Variants in KDM7A observed in about 807,000 individuals in gnomAD.
KDM7A encodes the protein lysine-specific demethylase 7A.
KDM7A carries 28 observed loss-of-function variants against 114.8 expected under a neutral mutation model. That is an observed-to-expected ratio of 0.24 (90% CI 0.18 to 0.33). The LOEUF is 0.33. KDM7A is among the 10% of genes least tolerant of loss of function. The pLI is 1.00. For missense variants in KDM7A, 942 were observed against 1,142.5 expected (o/e 0.82, Z 2.53); for synonymous variants, 423 against 397.8 (o/e 1.06, Z -0.75).
intron 11 of KDM7A, among the ~76,000 whole-genome samples, chr7:140,104,137 C>T (rs536895834): frequency 6.6e-5 from 10 of 152,196 alleles, no homozygotes; most frequent in South Asian, 4.1e-4. Flanking sequence ...TCCTATCCTT[C>T]GCCCACTTGT....
chr7:140,095,962 G>A (rs541339768), intron 17 of KDM7A, among the ~76,000 whole-genome samples: 10 of 152,050 alleles, frequency 6.6e-5, no homozygotes, highest in African/African-American at 2.4e-4. Flanking sequence ...TAATTATGTA[G>A]GATCAAACAT....
At chr7:140,173,229 C>T (rs1278515102) in intron 1 of KDM7A, among the ~76,000 whole-genome samples, 1 of 151,946 alleles carries the variant, frequency 6.6e-6, no homozygotes, top group African/African-American at 2.4e-5. Flanking sequence ...CCGGCAAAAT[C>T]CTGTTAATTC....
intron 1 of KDM7A, among the ~76,000 whole-genome samples, chr7:140,154,418 C>A (rs781459104): frequency 6.7e-6 from 1 of 150,186 alleles, no homozygotes; most frequent in Non-Finnish European, 1.5e-5. Flanking sequence ...TGCTTGAGCC[C>A]GGGAGTTTGA....
intron 12 of KDM7A, among the ~76,000 whole-genome samples, chr7:140,100,774 G>GTTTA (rs1818212509): frequency 7.6e-6 from 1 of 132,018 alleles, no homozygotes; most frequent in African/African-American, 2.8e-5. Flanking sequence ...TTGTTTGTTT[G>GTTTA]TTTGGAGACG....
At position 140,176,720 on chromosome 7, in the gene KDM7A, C is replaced by G; in HGVS notation, c.194+24G>C. The G allele has an allele frequency of 8.1e-6, 10 of 1,240,366 alleles. No individual in the cohort carries two copies. The highest frequency in any genetic ancestry group is 1.0e-5 in the Non-Finnish European group (10 of 966,066). The allele number at this position is 1,240,366 out of a possible 1,614,324, so 76.8% of individuals were successfully genotyped here. On this transcript the variant is annotated intron_variant, in intron 1 of 19. Transcript: ENST00000397560. This position sits in a 1 kb window ranked among gnomAD's most constrained non-coding sequence, Gnocchi z 4.4. ...GGTCGGTGGCCGGCGGTGGCGGCTG[C>G]GGGGCTGGAGGGGGTTTATTTACCT...
At chr7:140,095,958 T>G (rs1413099203) in intron 17 of KDM7A, among the ~76,000 whole-genome samples, 1 of 152,160 alleles carries the variant, frequency 6.6e-6, no homozygotes. Flanking sequence ...TTGATAATTA[T>G]GTAGGATCAA....
At chr7:140,146,034 T>C (rs1383021321) in intron 1 of KDM7A, among the ~76,000 whole-genome samples, 1 of 152,188 alleles carries the variant, frequency 6.6e-6, no homozygotes, top group African/African-American at 2.4e-5. Context: ...TCACCCCATA[T>C]AATCTGTTTT....
chr7:140,126,237 C>T (rs1818698884), intron 6 of KDM7A, among the ~76,000 whole-genome samples: 1 of 152,120 alleles, frequency 6.6e-6, no homozygotes, highest in Non-Finnish European at 1.5e-5. Flanking sequence ...ATAGGCATTC[C>T]TGACTTATCC....
At chr7:140,141,935 AAC>A (rs1381673441) in intron 1 of KDM7A, among the ~76,000 whole-genome samples, 3 of 150,366 alleles carry the variant, frequency 2.0e-5, no homozygotes, top group African/African-American at 7.3e-5. Flanking sequence ...GATAAAAAGA[AAC>A]ACATACATAT....
chr7:140,126,716 C>T lies in KDM7A; in HGVS notation c.809G>A (p.Cys270Tyr). The T allele has an allele frequency of 6.2e-7, 1 of 1,613,768 alleles. No individual in the cohort carries two copies. The highest frequency in any genetic ancestry group is 8.5e-7 in the Non-Finnish European group (1 of 1,179,722). ...ATAGCTGTCTTGAACTCCCATTAAG[C>T]AATATTTCTGAACAAATGGCTTGGG... ...VFPKPFVQKYCLMGVQDSYTD... is the reference protein window; with the variant it reads ...VFPKPFVQKYYLMGVQDSYTD... The change falls in exon 6 of 20, where the codon TGC becomes TAC. Residue 270 changes from cysteine (C) to tyrosine (Y), a missense_variant. By Grantham distance (194) the Cys-to-Tyr change is radical (BLOSUM62 -2). This residue lies in a region of KDM7A where 318 missense variants were observed against 453.1 expected (regional missense o/e 0.70). Coordinates refer to ENST00000397560, the MANE Select transcript of KDM7A (RefSeq NM_030647.2).
At chr7:140,147,800 A>T (rs1045151125) in intron 1 of KDM7A, among the ~76,000 whole-genome samples, 1 of 152,158 alleles carries the variant, frequency 6.6e-6, no homozygotes, top group Admixed American at 6.5e-5. Flanking sequence ...TACCTCCATG[A>T]CACCGGATAA....
Position 140,089,789 on chromosome 7 carries a change from G to A in KDM7A, c.*1305C>T, listed in dbSNP as rs1050339918. On this transcript the variant is annotated 3_prime_UTR_variant, in exon 20 of 20. Coordinates refer to ENST00000397560, the MANE Select transcript of KDM7A (RefSeq NM_030647.2). ...AATATGTACTGGTCAGGTTAGGATAGATGGAAGAAACTGCCAAAAGCACCC... is the reference window on the plus strand; with the variant it reads ...AATATGTACTGGTCAGGTTAGGATAAATGGAAGAAACTGCCAAAAGCACCC... The A allele has an allele frequency of 2.0e-5, 3 of 152,152 alleles. No individual in the cohort carries two copies. The highest frequency in any genetic ancestry group is 7.2e-5 in the African/African-American group (3 of 41,430). The allele number at this position is 152,152 out of a possible 1,614,324, so 9.4% of individuals were successfully genotyped here.
intron 11 of KDM7A, among the ~76,000 whole-genome samples, chr7:140,105,088 TTGTC>T (rs1335332887): frequency 2.0e-5 from 3 of 152,150 alleles, no homozygotes; most frequent in Admixed American, 1.3e-4. Flanking sequence ...TTGGCTCTGT[TTGTC>T]TGTTATTGGT....
At chr7:140,114,506 C>G (rs1479384116) in intron 9 of KDM7A, among the ~76,000 whole-genome samples, 1 of 152,174 alleles carries the variant, frequency 6.6e-6, no homozygotes, top group Admixed American at 6.5e-5. Flanking sequence ...GTGGCGTGAT[C>G]TCGGCTCGCT....
Position 140,088,665 on chromosome 7 carries a change from G to T in KDM7A, c.*2429C>A, listed in dbSNP as rs1361740769. ...TCACCAATTCAGAAAAAGACACATG[G>T]ATTCTATTCAAGTGGTTCTATTACC... On this transcript the variant is annotated 3_prime_UTR_variant, in exon 20 of 20. Transcript: ENST00000397560. 2 of 393,570 alleles carry T rather than the reference G, an allele frequency of 5.1e-6. No homozygotes were observed. The highest frequency in any genetic ancestry group is 9.0e-6 in the Non-Finnish European group (2 of 223,084). 24.4% of individuals were successfully genotyped at this position (393,570 alleles called of 1,614,324 possible). A position where few individuals can be genotyped will look rare whatever the true frequency, so the allele number is the denominator to read the frequency against.
rs1323729573 is a variant in KDM7A, at chr7:140,089,058, G to A, written c.*2036C>T. On this transcript the variant is annotated 3_prime_UTR_variant, in exon 20 of 20. Coordinates refer to ENST00000397560, the MANE Select transcript of KDM7A (RefSeq NM_030647.2). ...ATAAAAACATGACTATTGTAACACC[G>A]ACTCAGGATCTACAGAAAAGCAAAA... is the stretch of plus-strand genomic sequence containing the variant. 6 of 152,180 alleles carry A rather than the reference G, an allele frequency of 3.9e-5. No individual in the cohort carries two copies. The highest frequency in any genetic ancestry group is 2.1e-4 in the South Asian group (1 of 4,812). The allele number at this position is 152,180 out of a possible 1,614,324, so 9.4% of individuals were successfully genotyped here.
chr7:140,128,356 C>T (rs1266689955), intron 4 of KDM7A, among the ~76,000 whole-genome samples: 1 of 152,032 alleles, frequency 6.6e-6, no homozygotes, highest in African/African-American at 2.4e-5. Context: ...CAAATAAATG[C>T]CATTTTCTTA....
At position 140,126,814 on chromosome 7, in the gene KDM7A, T is replaced by C; in HGVS notation, c.711A>G (p.Glu237=). The change falls in exon 6 of 20, where the codon GAA becomes GAG. Residue 237 remains glutamate (E), a synonymous_variant. Transcript: ENST00000397560. Reference sequence around the variant, plus strand: ...TGGCTATATCAGGGACCTCCACCAATTCAGACATCCTTTCAAAAAACAAAC... The same window carrying C: ...TGGCTATATCAGGGACCTCCACCAACTCAGACATCCTTTCAAAAAACAAAC... ...SLEFSDTKMS[E]LVEVPDIAKK... is the part of the protein sequence containing the mutation. 1 of 1,611,624 alleles carries C rather than the reference T, an allele frequency of 6.2e-7. No individual in the cohort carries two copies. The highest frequency in any genetic ancestry group is 8.5e-7 in the Non-Finnish European group (1 of 1,178,792).
chr7:140,114,086 G>C (rs893674216), intron 9 of KDM7A, among the ~76,000 whole-genome samples: 10 of 152,196 alleles, frequency 6.6e-5, no homozygotes, highest in African/African-American at 2.2e-4. Context: ...ATTTCATAAT[G>C]ACCAAGGATT....
Sources: gnomAD v4.1 joint callset for allele counts (sites outside exome capture counted in the v4.1 genomes callset) on GRCh38, gnomAD v4.1.1 for gene constraint, gnomAD v4.1.1 regional missense constraint, Gnocchi (gnomAD v3.1) non-coding constraint, MANE v1.5 for transcripts, NCBI Gene and HGNC (gene_info 2026-07-23, HGNC 2026-07-21) for gene names.